The following CFAP61 variants were observed in gnomAD, a reference collection of about 807,000 sequenced individuals.
CFAP61 encodes cilia- and flagella-associated protein 61.
In CFAP61, 107 loss-of-function variants were observed where a neutral mutation model predicts 135.6. The observed-to-expected ratio is 0.79, with a 90% CI of 0.67 to 0.93. The LOEUF is 0.93. Ranked by LOEUF, CFAP61 falls within the 40% of genes least tolerant of loss-of-function variation. The pLI is 0.00. For synonymous variants in CFAP61, 575 were observed against 578.5 expected, an observed-to-expected ratio of 0.99 and a Z score of 0.09; for missense variants, 1,507 against 1,556.2, an observed-to-expected ratio of 0.97 and a Z score of 0.53.
At chr20:20,197,248 A>G (rs752779025) in intron 16 of CFAP61, among the ~76,000 whole-genome samples, 4 of 152,218 alleles carry the variant, frequency 2.6e-5, no homozygotes, top group Non-Finnish European at 5.9e-5. Context: ...TGATGGAGAG[A>G]AAGTGCGGAG....
At position 20,217,624 on chromosome 20, in the gene CFAP61, GC is replaced by G. The variant is rs2048125773; in HGVS notation, c.1933-10624del. On this transcript the variant is annotated intron_variant, in intron 17 of 26. Coordinates refer to ENST00000245957, the MANE Select transcript of CFAP61 (RefSeq NM_015585.4). The stretch of plus-strand genomic sequence containing the variant: ...TGAACCAGAGGCCTAAGCCAGCAGA[GC>G]AAATAGCCACTTAAGTTACTGGGCC... Among the ~76,000 whole-genome samples the G allele has an allele frequency of 2.6e-5, 4 of 152,342 alleles. No individual in the cohort carries two copies. The South Asian group carries it at 8.3e-4, about 32-fold the overall frequency.
At chr20:20,314,619 C>G (rs1205795559) in intron 25 of CFAP61, among the ~76,000 whole-genome samples, 1 of 145,756 alleles carries the variant, frequency 6.9e-6, no homozygotes, top group East Asian at 2.0e-4. Flanking sequence ...ATGTGCCATG[C>G]TGGTGGGCTG....
chr20:20,113,859 A>T (rs776484952), intron 8 of CFAP61, among the ~76,000 whole-genome samples: 1 of 151,208 alleles, frequency 6.6e-6, no homozygotes, highest in African/African-American at 2.4e-5. Flanking sequence ...ATTACCATAG[A>T]CTTATGATAA....
At position 20,090,949 on chromosome 20, in the gene CFAP61, TG is replaced by T; in HGVS notation, c.673del (p.Glu225LysfsTer18). The T allele has an allele frequency of 6.2e-7, 1 of 1,614,122 alleles. No homozygotes were observed. The highest frequency in any genetic ancestry group is 8.5e-7 in the Non-Finnish European group (1 of 1,180,004). On this transcript the variant is annotated frameshift_variant, in exon 7 of 27. Coordinates refer to ENST00000245957, the MANE Select transcript of CFAP61 (RefSeq NM_015585.4). LOFTEE classifies it high-confidence loss of function. ...TGGCCGAACTAATAGAGGCCCAAGA[TG>T]AAGAGAATCATGCTGTTGTGTGTGA... is the stretch of plus-strand genomic sequence containing the variant. ...FLAELIEAQD[E>X]ENHAVVCEVE...
intron 25 of CFAP61, among the ~76,000 whole-genome samples, chr20:20,329,943 C>T (rs1256829394): frequency 1.3e-5 from 2 of 152,236 alleles, no homozygotes; most frequent in Admixed American, 1.3e-4. Context: ...GTTCTCTTTA[C>T]ATGTCCGTCA....
intron 13 of CFAP61, among the ~76,000 whole-genome samples, chr20:20,184,282 A>T (rs948381030): frequency 6.6e-6 from 1 of 152,196 alleles, no homozygotes; most frequent in East Asian, 1.9e-4. Flanking sequence ...GGCTATCTCC[A>T]TGCAAGCTTC....
intron 25 of CFAP61, among the ~76,000 whole-genome samples, chr20:20,329,788 C>A (rs2057913247): frequency 6.6e-6 from 1 of 152,242 alleles, no homozygotes; most frequent in African/African-American, 2.4e-5. Context: ...CTTTCCCGGG[C>A]CTGGTTTCCC....
At chr20:20,281,836 A>AT (rs568182305) in intron 22 of CFAP61, among the ~76,000 whole-genome samples, 153 of 152,162 alleles carry the variant, frequency 1.0e-3, no homozygotes, top group African/African-American at 3.6e-3. Flanking sequence ...CAAGATTGGT[A>AT]TTTTTTCTTT....
At chr20:20,063,884 A>G (rs1273514418) in intron 2 of CFAP61, among the ~76,000 whole-genome samples, 1 of 152,244 alleles carries the variant, frequency 6.6e-6, no homozygotes, top group African/African-American at 2.4e-5. Flanking sequence ...ATTTTTATAT[A>G]CTAACAATGA....
chr20:20,329,262 A>T (rs2057888368), intron 25 of CFAP61, among the ~76,000 whole-genome samples: 1 of 152,144 alleles, frequency 6.6e-6, no homozygotes, highest in Non-Finnish European at 1.5e-5. Flanking sequence ...TGCTAGGGTC[A>T]GTCTGGCCAA....
intron 1 of CFAP61, among the ~76,000 whole-genome samples, chr20:20,054,332 A>G (rs2044092798): frequency 6.6e-6 from 1 of 151,940 alleles, no homozygotes; most frequent in Non-Finnish European, 1.5e-5. Context: ...GTAGTTAGAA[A>G]ACTATGGGCC....
chr20:20,084,079 C>T (rs1040905595), intron 6 of CFAP61, among the ~76,000 whole-genome samples: 3 of 152,156 alleles, frequency 2.0e-5, no homozygotes, highest in Non-Finnish European at 4.4e-5. Flanking sequence ...CTAGTTGACG[C>T]CGATCTTAGG....
At chr20:20,334,150 A>AAAG (rs1359920453) in intron 25 of CFAP61, among the ~76,000 whole-genome samples, 2 of 151,912 alleles carry the variant, frequency 1.3e-5, no homozygotes, top group African/African-American at 4.8e-5. Flanking sequence ...TTTTTGAGAC[A>AAAG]AAGTCTCGCT....
chr20:20,154,137 C>A (rs981898898), intron 9 of CFAP61, among the ~76,000 whole-genome samples: 2 of 151,910 alleles, frequency 1.3e-5, no homozygotes, highest in Non-Finnish European at 2.9e-5. Context: ...ACAGAGAAAG[C>A]ATTTGATAAA....
At chr20:20,210,220 C>T (rs1324520422) in intron 17 of CFAP61, among the ~76,000 whole-genome samples, 1 of 152,196 alleles carries the variant, frequency 6.6e-6, no homozygotes, top group Non-Finnish European at 1.5e-5. Flanking sequence ...CCCCTTCCTT[C>T]CACTTTCCTG....
intron 22 of CFAP61, among the ~76,000 whole-genome samples, chr20:20,282,938 CAA>C (rs34218302): frequency 0.15 from 19,888 of 137,140 alleles, 1,445 homozygotes; most frequent in African/African-American, 0.21. Flanking sequence ...GACCCTGTCT[CAA>C]AAAAAAAAAA....
chr20:20,317,947 C>T (rs1045308163), intron 25 of CFAP61, among the ~76,000 whole-genome samples: 2 of 152,196 alleles, frequency 1.3e-5, no homozygotes, highest in East Asian at 1.9e-4. Context: ...TGACAAACGG[C>T]GCCTGCAAGC....
intron 8 of CFAP61, among the ~76,000 whole-genome samples, chr20:20,100,251 C>T (rs1440648430): frequency 1.3e-5 from 2 of 151,728 alleles, no homozygotes; most frequent in Non-Finnish European, 2.9e-5. Flanking sequence ...TGGCTCACTG[C>T]AACCTCTGCC....
intron 20 of CFAP61, among the ~76,000 whole-genome samples, chr20:20,262,507 A>G (rs555448091): frequency 1.8e-4 from 27 of 152,282 alleles, no homozygotes; most frequent in African/African-American, 6.5e-4. Context: ...TACCCAGCAT[A>G]TTTTCCAGGG....
Sources: allele counts gnomAD v4.1 joint callset (sites outside exome capture counted in the v4.1 genomes callset), GRCh38; gene constraint gnomAD v4.1.1; transcripts MANE v1.5; gene names NCBI Gene and HGNC (gene_info 2026-07-23, HGNC 2026-07-21).